Variants in CORO1B observed in about 807,000 individuals in gnomAD.
CORO1B encodes the protein coronin 1B.
Under a neutral mutation model 51.1 loss-of-function variants are expected in CORO1B, and 30 were observed. That is an observed-to-expected ratio of 0.59 (90% CI 0.44 to 0.80). The LOEUF (loss-of-function observed/expected upper bound fraction) is 0.80. Among genes scored for constraint, CORO1B ranks in the 30% least tolerant of loss-of-function variants. CORO1B has a pLI of 0.00. For synonymous variants in CORO1B, 310 were observed against 289.7 expected (o/e 1.07, Z -0.71); for missense variants, 648 against 700.4 (o/e 0.93, Z 0.84).
At chr11:67,440,000 T>C (rs914113752) in intron 8 of CORO1B, 118 bp downstream of exon 8, 58 of 1,487,170 alleles carry the variant, frequency 3.9e-5, no homozygotes, top group Admixed American at 9.7e-5. Flanking sequence ...CTCGTGACAG[T>C]TCTCATGGCC....
intron 6 of CORO1B, 77 bp downstream of exon 6, chr11:67,441,047 TC>T (rs1565153356): frequency 6.2e-7 from 1 of 1,604,094 alleles, no homozygotes; most frequent in African/African-American, 1.3e-5. Context: ...ACCACAGGCC[TC>T]CCCAGGGTGA....
rs1864364162 is a variant in CORO1B, at chr11:67,440,005, A to T, written c.1007+113T>A. Reference sequence around the variant, plus strand: ...CACGGGCTGCCTCGTGACAGTTCTCATGGCCCGCCGGGCCTCCCTGGCGCA... The same window carrying T: ...CACGGGCTGCCTCGTGACAGTTCTCTTGGCCCGCCGGGCCTCCCTGGCGCA... On this transcript the variant is annotated intron_variant, in intron 8 of 10. Transcript: ENST00000341356. The T allele has an allele frequency of 2.0e-6, 3 of 1,498,628 alleles. No individual in the cohort carries two copies. In the South Asian group the frequency reaches 3.8e-5, roughly 19 times the overall value. 92.8% of individuals were successfully genotyped at this position (1,498,628 alleles called of 1,614,324 possible).
chr11:67,442,722 G>C, intron 1 of CORO1B, 92 bp from the exon 2 acceptor site: 3 of 1,324,062 alleles, frequency 2.3e-6, no homozygotes, highest in African/African-American at 1.4e-5. Context: ...GGATGCAACC[G>C]GGGGCCAGGC....
At chr11:67,439,678 A>G (rs1040628201) in intron 9 of CORO1B, 108 bp downstream of exon 9, 20 of 1,221,098 alleles carry the variant, frequency 1.6e-5, no homozygotes, top group Non-Finnish European at 2.1e-5. Flanking sequence ...CTCACTGCCC[A>G]CAAACCATAC....
chr11:67,441,432 G>A lies in CORO1B; in HGVS notation c.537C>T (p.Ile179=), dbSNP rs761958950. Residue 179 remains isoleucine, a synonymous_variant, in exon 5 of 11, where the codon ATC becomes ATT. Transcript: ENST00000341356. ...YRLDSLHPDL[I]YNVSWNHNGS... ...CATTGTGGTTCCAGCTGACATTGTA[G>A]ATGAGGTCAGGGTGCAGGCTGTCCA... 7 of 1,613,966 alleles carry A rather than the reference G, an allele frequency of 4.3e-6. No homozygotes were observed. The highest frequency in any genetic ancestry group is 5.9e-6 in the Non-Finnish European group (7 of 1,180,038).
In CORO1B at chr11:67,441,206, C is replaced by A. The variant is rs936979361; in HGVS notation, c.675G>T (p.Arg225=). Residue 225 remains arginine (R), a synonymous_variant, in exon 6 of 11, where the codon CGG becomes CGT. Coordinates refer to ENST00000341356, the MANE Select transcript of CORO1B (RefSeq NM_020441.3). ...CCTTGCCATCTGCCAGGAAGATGGCCCGCATGGGCCGGGCCCCCTCATGAG... is the reference window on the plus strand; with the variant it reads ...CCTTGCCATCTGCCAGGAAGATGGCACGCATGGGCCGGGCCCCCTCATGAG... ...EKAHEGARPM[R]AIFLADGKVF... is the part of the protein sequence containing the mutation. The A allele has an allele frequency of 3.1e-6, 5 of 1,613,108 alleles. No homozygotes were observed. Among genetic ancestry groups the A allele is most frequent in the Non-Finnish European group, 4.2e-6 (5 of 1,179,978 alleles).
Position 67,442,006 on chromosome 11 carries a change from T to G in CORO1B, c.284A>C (p.Asp95Ala). ...CTCCGAGCCGCTGGCTATGACTTCG[T>G]CGTTGTGAGGACACCAGTCGATGTC... is the stretch of plus-strand genomic sequence containing the variant. ...VLDIDWCPHN[D>A]EVIASGSEDC... Residue 95 changes from aspartate (D) to alanine (A), a missense_variant, in exon 3 of 11, where the codon GAC (aspartate) becomes GCC (alanine). Asp to Ala is a moderately radical substitution (Grantham distance 126). Coordinates refer to ENST00000341356, the MANE Select transcript of CORO1B (RefSeq NM_020441.3). The G allele has an allele frequency of 6.2e-7, 1 of 1,613,190 alleles. No homozygotes were observed. The highest frequency in any genetic ancestry group is 8.5e-7 in the Non-Finnish European group (1 of 1,179,994).
Position 67,441,698 on chromosome 11 carries a change from G to GC in CORO1B, c.454+34_454+35insG, listed in dbSNP as rs752204482. 6 of 1,491,108 alleles carry GC rather than the reference G, an allele frequency of 4.0e-6. No homozygotes were observed. In the African/African-American group the frequency reaches 7.1e-5, roughly 18 times the overall value. 92.4% of individuals were successfully genotyped at this position (1,491,108 alleles called of 1,614,324 possible). ...GCTGGGATGTATGGAGGGGTCCGTGGGGGGGGGGAGCACAAAACGGGGGGC... is the reference window on the plus strand; with the variant it reads ...GCTGGGATGTATGGAGGGGTCCGTGGCGGGGGGGGAGCACAAAACGGGGGGC... On this transcript the variant is annotated intron_variant, in intron 4 of 10. Transcript: ENST00000341356.
intron 10 of CORO1B, 65 bp from the exon 11 acceptor site, chr11:67,438,566 A>G: frequency 2.6e-6 from 4 of 1,562,854 alleles, no homozygotes; most frequent in Non-Finnish European, 3.5e-6. Flanking sequence ...AGCCCTCCCA[A>G]ACCCACCACT....
chr11:67,441,043 G>C (rs1206776406), intron 6 of CORO1B, 82 bp downstream of exon 6: 11 of 1,599,850 alleles, frequency 6.9e-6, no homozygotes, highest in Non-Finnish European at 9.4e-6. Flanking sequence ...AGGAACCACA[G>C]GCCTCCCCAG....
rs757859517 is a variant in CORO1B, at chr11:67,440,248, G to C, written c.877C>G (p.Arg293Gly). The change falls in exon 8 of 11, where the codon CGG becomes GGG. Residue 293 changes from arginine (R) to glycine (G), a missense_variant. Physicochemically the swap from Arg to Gly is moderately radical, Grantham distance 125. Coordinates refer to ENST00000341356, the MANE Select transcript of CORO1B (RefSeq NM_020441.3). ...GGCTCCTCTGTGATCTCAAAGTACC[G>C]GATGCTGGAGTCACCCTGTGTGGGG... ...YVCGKGDSSI[R>G]YFEITEEPPY... The C allele has an allele frequency of 6.2e-7, 1 of 1,613,722 alleles. No homozygotes were observed. The highest frequency in any genetic ancestry group is 8.5e-7 in the Non-Finnish European group (1 of 1,179,876).
chr11:67,436,098 G>C lies in CORO1B; in HGVS notation c.*2278C>G. 6.2e-7 allele frequency: 1 copy of C among 1,609,526 alleles called. No homozygotes were observed. The highest frequency in any genetic ancestry group is 8.5e-7 in the Non-Finnish European group (1 of 1,178,302). On this transcript the variant is annotated 3_prime_UTR_variant, in exon 11 of 11. Transcript: ENST00000341356. ...CGGGCCTGCAGCCAGCGACCTGGGGGGCTGGCCCAGAGCAGGCGCCGCGTG... is the reference window on the plus strand; with the variant it reads ...CGGGCCTGCAGCCAGCGACCTGGGGCGCTGGCCCAGAGCAGGCGCCGCGTG...
chr11:67,443,548 A>G, upstream of CORO1B: 1 of 761,144 alleles, frequency 1.3e-6, no homozygotes, highest in Non-Finnish European at 1.6e-6. Flanking sequence ...GGCGGGGCCG[A>G]GGTCACGCGC....
At position 67,441,733 on chromosome 11, in the gene CORO1B, C is replaced by G; in HGVS notation, c.454G>C (p.Gly152Arg). 2.5e-6 allele frequency: 4 copies of G among 1,609,256 alleles called. No individual in the cohort carries two copies. Among genetic ancestry groups the G allele is most frequent in the Non-Finnish European group, 3.4e-6 (4 of 1,178,668 alleles). Reference sequence around the variant, plus strand: ...GCACAAAACGGGGGGCGGTGCAGACCTGCACTGAGCAGCACGTTTCGGGCC... The same window carrying G: ...GCACAAAACGGGGGGCGGTGCAGACGTGCACTGAGCAGCACGTTTCGGGCC... ...PTARNVLLSAGCDNVVLIWNV... is the reference protein window; with the variant it reads ...PTARNVLLSARCDNVVLIWNV... Residue 152 changes from glycine to arginine, a missense_variant and splice_region_variant, in exon 4 of 11, where the codon GGC (glycine) becomes CGC (arginine). By Grantham distance (125) the Gly-to-Arg change is moderately radical. Coordinates refer to ENST00000341356, the MANE Select transcript of CORO1B (RefSeq NM_020441.3).
At position 67,436,326 on chromosome 11, in the gene CORO1B, C is replaced by T. The variant is rs758359868; in HGVS notation, c.*2050G>A. 2.1e-5 allele frequency: 32 copies of T among 1,507,382 alleles called. No homozygotes were observed. The highest frequency in any genetic ancestry group is 1.7e-4 in the South Asian group (13 of 77,510). The allele number at this position is 1,507,382 out of a possible 1,614,324, so 93.4% of individuals were successfully genotyped here. A position where few individuals can be genotyped will look rare whatever the true frequency, so the allele number is the denominator to read the frequency against. Reference sequence around the variant, plus strand: ...GCCCCTGGCAGGGCCAGCAGCATCCCGAGCCCTAAGGTGCAGGGCAGAGCC... The same window carrying T: ...GCCCCTGGCAGGGCCAGCAGCATCCTGAGCCCTAAGGTGCAGGGCAGAGCC... On this transcript the variant is annotated 3_prime_UTR_variant, in exon 11 of 11. Coordinates refer to ENST00000341356, the MANE Select transcript of CORO1B (RefSeq NM_020441.3).
At position 67,441,164 on chromosome 11, in the gene CORO1B, GAA is replaced by G. The variant is rs748165144; in HGVS notation, c.715_716del (p.Phe239GlnfsTer50). ...CCAGCTGCCGCTCGCTCATTCGGCTGAAGCCTGTGGTGAACACCTTGCCATCT... is the reference window on the plus strand; with the variant it reads ...CCAGCTGCCGCTCGCTCATTCGGCTGGCCTGTGGTGAACACCTTGCCATCT... ...LADGKVFTTG[F>X]SRMSERQLAL... is the part of the protein sequence containing the mutation. On this transcript the variant is annotated frameshift_variant, in exon 6 of 11. Coordinates refer to ENST00000341356, the MANE Select transcript of CORO1B (RefSeq NM_020441.3). LOFTEE classifies it high-confidence loss of function. The G allele has an allele frequency of 1.9e-6, 3 of 1,613,130 alleles. No homozygotes were observed. In the South Asian group the frequency reaches 3.3e-5, roughly 18 times the overall value.
At chr11:67,439,883 G>GCCCCCCCCCCCCCC in intron 8 of CORO1B, 40 bp from the exon 9 acceptor site, 1 of 1,509,420 alleles carries the variant, frequency 6.6e-7, no homozygotes, top group Non-Finnish European at 8.9e-7. Context: ...AACCCTCACC[G>GCCCCCCCCCCCCCC]CCCCCCCCAC....
chr11:67,441,974 T>C lies in CORO1B; in HGVS notation c.316A>G (p.Thr106Ala). ...CCAGTCCTGTGCCTCACCATGACCG[T>C]GCAGTCCTCCGAGCCGCTGGCTATG... ...EVIASGSEDC[T>A]VMVWQIPENG... Residue 106 changes from threonine to alanine, a missense_variant, in exon 3 of 11, where the codon ACG becomes GCG. Coordinates refer to ENST00000341356, the MANE Select transcript of CORO1B (RefSeq NM_020441.3). 6.2e-7 allele frequency: 1 copy of C among 1,613,106 alleles called. No individual in the cohort carries two copies. The highest frequency in any genetic ancestry group is 1.3e-5 in the African/African-American group (1 of 75,060).
At position 67,441,679 on chromosome 11, in the gene CORO1B, A is replaced by T. The variant is rs567939137; in HGVS notation, c.454+54T>A. On this transcript the variant is annotated intron_variant, in intron 4 of 10. Transcript: ENST00000341356. ...TGTGGGCCCTGGAGGGGCTGCTGGG[A>T]TGTATGGAGGGGTCCGTGGGGGGGG... is the stretch of plus-strand genomic sequence containing the variant. 14 of 1,140,250 alleles carry T rather than the reference A, an allele frequency of 1.2e-5. No homozygotes were observed. The East Asian group carries it at 4.8e-4, about 39-fold the overall frequency. The allele number at this position is 1,140,250 out of a possible 1,614,324, so 70.6% of individuals were successfully genotyped here.
Sources: gnomAD v4.1 joint callset for allele counts on GRCh38, gnomAD v4.1.1 for gene constraint, MANE v1.5 for transcripts, NCBI Gene and HGNC (gene_info 2026-07-23, HGNC 2026-07-21) for gene names.